Variants in MEIKIN observed in about 807,000 individuals in gnomAD.
MEIKIN encodes the protein meiotic kinetochore factor.
chr5:131,861,024 A>G (rs1384640882), intron 9 of MEIKIN, among the ~76,000 whole-genome samples: 1 of 151,412 alleles, frequency 6.6e-6, no homozygotes, highest in Non-Finnish European at 1.5e-5. Context: ...GGCCTCCCAA[A>G]GTGCTGTGAT....
Position 131,890,026 on chromosome 5 carries a change from G to A in MEIKIN, c.704-10978C>T, listed in dbSNP as rs142261745. The stretch of plus-strand genomic sequence containing the variant: ...TGCTGGATTACGTTTACTGATTTTC[G>A]TATGTTGAACCAGCCCTGCATCCCA... On this transcript the variant is annotated intron_variant, in intron 8 of 12. Coordinates refer to ENST00000442687, the MANE Select transcript of MEIKIN (RefSeq NM_001303622.2). Among the ~76,000 whole-genome samples the A allele has an allele frequency of 4.8e-4, 73 of 152,226 alleles. No individual in the cohort carries two copies. The East Asian group carries it at 9.6e-3, about 20-fold the overall frequency.
chr5:131,834,901 T>A (rs1213616272), intron 11 of MEIKIN, among the ~76,000 whole-genome samples: 1 of 152,022 alleles, frequency 6.6e-6, no homozygotes, highest in Non-Finnish European at 1.5e-5. Context: ...TGATACCAAT[T>A]TAAATTCATA....
intron 11 of MEIKIN, among the ~76,000 whole-genome samples, chr5:131,834,731 A>T (rs1348793712): frequency 2.6e-5 from 4 of 152,144 alleles, no homozygotes; most frequent in Non-Finnish European, 4.4e-5. Flanking sequence ...TGTTGTTCTC[A>T]TATCTTGACT....
At chr5:131,857,062 T>C (rs988051098) in intron 9 of MEIKIN, among the ~76,000 whole-genome samples, 12 of 152,044 alleles carry the variant, frequency 7.9e-5, no homozygotes, top group African/African-American at 2.7e-4. Flanking sequence ...AGCCATTAAC[T>C]CATCATTTAA....
rs577596510 is a variant in MEIKIN, at chr5:131,858,821, G to GA, written c.775-3988dup. Among the ~76,000 whole-genome samples, 18 of 152,208 alleles carry GA rather than the reference G, an allele frequency of 1.2e-4. 1 individual carries two copies. In the South Asian group the frequency reaches 3.7e-3, roughly 32 times the overall value. ...ATATATGCACAGCCAACAAGCGTAT[G>GA]AAAAAATGCTCACCACTAATCATTA... is the stretch of plus-strand genomic sequence containing the variant. On this transcript the variant is annotated intron_variant, in intron 9 of 12. Coordinates refer to ENST00000442687, the MANE Select transcript of MEIKIN (RefSeq NM_001303622.2).
At chr5:131,906,077 A>C (rs538866925) in intron 8 of MEIKIN, among the ~76,000 whole-genome samples, 1 of 152,252 alleles carries the variant, frequency 6.6e-6, no homozygotes, top group South Asian at 2.1e-4. Context: ...AACTATCAAC[A>C]GAATCAATAA....
chr5:131,924,485 T>A (rs1751556881), intron 5 of MEIKIN, among the ~76,000 whole-genome samples: 1 of 152,192 alleles, frequency 6.6e-6, no homozygotes, highest in African/African-American at 2.4e-5. Flanking sequence ...CAACATTTGT[T>A]ATCTTTTGTT....
At chr5:131,834,104 G>A (rs1399722952) in intron 11 of MEIKIN, among the ~76,000 whole-genome samples, 4 of 152,128 alleles carry the variant, frequency 2.6e-5, no homozygotes, top group South Asian at 2.1e-4. Context: ...TGTTAATAAT[G>A]GCTGTACAAA....
chr5:131,880,973 G>T (rs986723146), intron 8 of MEIKIN, among the ~76,000 whole-genome samples: 3 of 152,116 alleles, frequency 2.0e-5, no homozygotes, highest in African/African-American at 7.2e-5. Context: ...ATTTAACTGG[G>T]TATTCTGTAA....
intron 5 of MEIKIN, among the ~76,000 whole-genome samples, chr5:131,924,395 C>T (rs982387600): frequency 1.3e-5 from 2 of 152,118 alleles, no homozygotes; most frequent in African/African-American, 4.8e-5. Flanking sequence ...GAGACACCTC[C>T]ATACTGTTTC....
chr5:131,885,364 AGAGAGAGAGAGAGAGAG>A (rs1750768991), intron 8 of MEIKIN, among the ~76,000 whole-genome samples: 1 of 63,008 alleles, frequency 1.6e-5, no homozygotes, highest in African/African-American at 5.0e-5. Context: ...AGAGAGAGAG[AGAGAGAGAGAGAGAGAG>A]AGAGAGAGAG....
chr5:131,945,147 G>A lies in MEIKIN; in HGVS notation c.200+9C>T, dbSNP rs1301997228. 1.3e-5 allele frequency: 5 copies of A among 399,002 alleles called. No homozygotes were observed. The highest frequency in any genetic ancestry group is 1.8e-5 in the Non-Finnish European group (4 of 226,110). 24.7% of individuals were successfully genotyped at this position (399,002 alleles called of 1,614,324 possible). Reference sequence around the variant, plus strand: ...AGCTAGGATCGGGCTGTTACTGGAGGCTACATACCTGAACGGCCCAGAGCC... The same window carrying A: ...AGCTAGGATCGGGCTGTTACTGGAGACTACATACCTGAACGGCCCAGAGCC... On this transcript the variant is annotated intron_variant, in intron 2 of 12. Transcript: ENST00000442687.
chr5:131,921,691 T>C (rs1165283931), intron 6 of MEIKIN, 131 bp downstream of exon 6: 2 of 388,604 alleles, frequency 5.1e-6, no homozygotes, highest in African/African-American at 2.1e-5. Context: ...TACATACTTA[T>C]GCTATTATTA....
chr5:131,880,442 A>G (rs1750686265), intron 8 of MEIKIN, among the ~76,000 whole-genome samples: 2 of 149,394 alleles, frequency 1.3e-5, no homozygotes, highest in East Asian at 2.0e-4. Context: ...GGGTCTCACC[A>G]TGTTGGCCAG....
At chr5:131,882,827 C>T (rs1750721155) in intron 8 of MEIKIN, among the ~76,000 whole-genome samples, 2 of 152,146 alleles carry the variant, frequency 1.3e-5, no homozygotes, top group Non-Finnish European at 1.5e-5. Context: ...ACATTCCCAT[C>T]TCATGGTTTT....
At chr5:131,913,908 C>T (rs751938930) in intron 7 of MEIKIN, among the ~76,000 whole-genome samples, 6 of 152,154 alleles carry the variant, frequency 3.9e-5, no homozygotes, top group Non-Finnish European at 5.9e-5. Context: ...CTCCAAAATT[C>T]GTGTTGAAAT....
intron 9 of MEIKIN, among the ~76,000 whole-genome samples, chr5:131,858,784 T>C (rs1281529829): frequency 1.3e-5 from 2 of 152,086 alleles, no homozygotes; most frequent in East Asian, 3.8e-4. Flanking sequence ...AAACAGACAT[T>C]ATCAAAAGAA....
At chr5:131,831,717 C>A (rs571625650) in intron 11 of MEIKIN, among the ~76,000 whole-genome samples, 1 of 152,190 alleles carries the variant, frequency 6.6e-6, no homozygotes, top group South Asian at 2.1e-4. Context: ...ACAGGTTTAA[C>A]TGGACTTACA....
At chr5:131,822,332 A>AT (rs1054477272) in intron 11 of MEIKIN, among the ~76,000 whole-genome samples, 10 of 147,244 alleles carry the variant, frequency 6.8e-5, no homozygotes, top group South Asian at 2.2e-4. Context: ...CCATTTTATT[A>AT]TTTTTTTTTC....
Sources: allele counts gnomAD v4.1 joint callset (sites outside exome capture counted in the v4.1 genomes callset), GRCh38; gene constraint gnomAD v4.1.1; transcripts MANE v1.5; gene names NCBI Gene and HGNC (gene_info 2026-07-23, HGNC 2026-07-21).